The following LRRTM4 variants were observed in gnomAD, a reference collection of about 807,000 sequenced individuals.
LRRTM4 encodes leucine rich repeat transmembrane neuronal 4, also known as leucine-rich repeat transmembrane neuronal protein 4.
Under a neutral mutation model 47.6 loss-of-function variants are expected in LRRTM4, and 25 were observed. The observed-to-expected ratio is 0.53, with a 90% CI of 0.38 to 0.73. LRRTM4 has a LOEUF of 0.73. Among genes scored for constraint, LRRTM4 ranks in the 30% least tolerant of loss-of-function variants. The pLI is 0.00. For synonymous variants in LRRTM4, 311 were observed against 269.5 expected, an observed-to-expected ratio of 1.15 and a Z score of -1.51; for missense variants, 638 against 713.4, an observed-to-expected ratio of 0.89 and a Z score of 1.20.
intron 3 of LRRTM4, among the ~76,000 whole-genome samples, chr2:76,792,541 C>G (rs563110951): frequency 6.6e-6 from 1 of 151,832 alleles, no homozygotes; most frequent in Admixed American, 6.5e-5. Flanking sequence ...CAATCATATA[C>G]TGATGGCACA....
intron 3 of LRRTM4, among the ~76,000 whole-genome samples, chr2:77,057,055 CAAT>C (rs1441715157): frequency 1.3e-5 from 2 of 152,182 alleles, no homozygotes; most frequent in African/African-American, 2.4e-5. Context: ...TTTCACATTA[CAAT>C]GACAGAGTAC....
intron 3 of LRRTM4, among the ~76,000 whole-genome samples, chr2:77,460,317 C>A (rs752261731): frequency 4.6e-5 from 7 of 152,084 alleles, no homozygotes; most frequent in Non-Finnish European, 8.8e-5. Context: ...TGGGAGGAGT[C>A]TAGCTACCAG....
At chr2:77,419,900 C>G (rs1301442864) in intron 3 of LRRTM4, among the ~76,000 whole-genome samples, 2 of 152,156 alleles carry the variant, frequency 1.3e-5, no homozygotes, top group African/African-American at 2.4e-5. Flanking sequence ...GAAACATGAT[C>G]GGTAAACATA....
At chr2:77,153,066 C>T (rs908253138) in intron 3 of LRRTM4, among the ~76,000 whole-genome samples, 10 of 152,132 alleles carry the variant, frequency 6.6e-5, no homozygotes, top group Non-Finnish European at 1.2e-4. Flanking sequence ...GATCTTATAT[C>T]CTTCATCTCC....
chr2:77,072,436 T>C (rs921471532), intron 3 of LRRTM4, among the ~76,000 whole-genome samples: 9 of 152,132 alleles, frequency 5.9e-5, no homozygotes, highest in Non-Finnish European at 1.2e-4. Context: ...TCTCTCAAAA[T>C]AGATGAATCC....
chr2:77,110,148 T>C (rs998257890), intron 3 of LRRTM4, among the ~76,000 whole-genome samples: 3 of 152,154 alleles, frequency 2.0e-5, no homozygotes, highest in Non-Finnish European at 4.4e-5. Flanking sequence ...AAGTGAAATC[T>C]AAACCTAACA....
In LRRTM4 at chr2:77,518,947, A is replaced by G. The variant is rs371908455; in HGVS notation, c.922T>C (p.Leu308=). Residue 308 remains leucine (L), a synonymous_variant, in exon 3 of 4, where the codon TTG becomes CTG. Transcript: ENST00000409884. ...CTGCATTCCCACATATTTCCAGACA[A>G]TGTGATGGATATTAATGATATCCAC... ...NAWISLISIT[L]SGNMWECSRS... The G allele has an allele frequency of 4.3e-6, 7 of 1,611,120 alleles. No individual in the cohort carries two copies. Among genetic ancestry groups the G allele is most frequent in the Non-Finnish European group, 5.9e-6 (7 of 1,178,596 alleles).
intron 3 of LRRTM4, among the ~76,000 whole-genome samples, chr2:77,353,039 G>T (rs935975706): frequency 6.6e-6 from 1 of 151,882 alleles, no homozygotes; most frequent in African/African-American, 2.4e-5. Flanking sequence ...TTATTTTTAA[G>T]TGCCAAAAGT....
intron 3 of LRRTM4, among the ~76,000 whole-genome samples, chr2:76,853,204 T>C (rs1028623140): frequency 5.9e-5 from 9 of 152,014 alleles, no homozygotes; most frequent in African/African-American, 1.7e-4. Context: ...GTGTGGAGAA[T>C]AAATGGGGAG....
In LRRTM4 at chr2:77,239,447, T is replaced by A. The variant is rs560065550; in HGVS notation, c.1551+278871A>T. ...GATTTTAAACCCATCATATACATAG[T>A]ACTAAATGTAAATGTTCTAAACACT... On this transcript the variant is annotated intron_variant, in intron 3 of 3. Coordinates refer to ENST00000409884, the MANE Select transcript of LRRTM4 (RefSeq NM_001134745.3). Among the ~76,000 whole-genome samples, 20 of 152,088 alleles carry A rather than the reference T, an allele frequency of 1.3e-4. No individual in the cohort carries two copies. The South Asian group carries it at 3.1e-3, about 24-fold the overall frequency.
At chr2:77,222,722 A>G (rs1674675854) in intron 3 of LRRTM4, among the ~76,000 whole-genome samples, 1 of 152,208 alleles carries the variant, frequency 6.6e-6, no homozygotes, top group South Asian at 2.1e-4. Flanking sequence ...TTAATAGCTT[A>G]CCAACCAAAA....
At position 76,866,604 on chromosome 2, in the gene LRRTM4, T is replaced by A. The variant is rs77103481; in HGVS notation, c.1552-117688A>T. 5.9e-3 allele frequency among the ~76,000 whole-genome samples: 893 copies of A among 152,288 alleles called. 11 individuals are homozygous for A. The highest frequency in any genetic ancestry group is 0.021 in the African/African-American group (854 of 41,546). On this transcript the variant is annotated intron_variant, in intron 3 of 3. Transcript: ENST00000409884. ...AACAATCTTTGATTGATGTGTGATG[T>A]TGTGTCACATCACTTTAGGTAACTC...
intron 3 of LRRTM4, among the ~76,000 whole-genome samples, chr2:77,468,400 G>T (rs35776302): frequency 6.6e-6 from 1 of 152,112 alleles, no homozygotes; most frequent in Non-Finnish European, 1.5e-5. Flanking sequence ...CTGTCTACAA[G>T]AAGACAAGAA....
At chr2:76,761,573 C>CCAAA (rs1247385488) in intron 3 of LRRTM4, among the ~76,000 whole-genome samples, 2 of 152,150 alleles carry the variant, frequency 1.3e-5, no homozygotes, top group Non-Finnish European at 2.9e-5. Flanking sequence ...ACTCCTTTGG[C>CCAAA]CAAACACTTT....
intron 3 of LRRTM4, among the ~76,000 whole-genome samples, chr2:76,804,763 A>AATATATATATGTTTT (rs750204932): frequency 2.1e-5 from 3 of 140,658 alleles, no homozygotes; most frequent in Non-Finnish European, 4.5e-5. Flanking sequence ...GTTTTATAAC[A>AATATATATATGTTTT]ATATATATAT....
chr2:76,994,165 G>A (rs533153009), intron 3 of LRRTM4, among the ~76,000 whole-genome samples: 135 of 151,918 alleles, frequency 8.9e-4, no homozygotes, highest in South Asian at 2.7e-3. Flanking sequence ...TGAGTACTAT[G>A]TTCACTGCTT....
chr2:77,178,654 A>G (rs1194242460), intron 3 of LRRTM4, among the ~76,000 whole-genome samples: 1 of 152,126 alleles, frequency 6.6e-6, no homozygotes, highest in East Asian at 1.9e-4. Context: ...CCTATTTCAT[A>G]TATTCTTTTA....
At chr2:77,378,838 G>T (rs1257827110) in intron 3 of LRRTM4, among the ~76,000 whole-genome samples, 1 of 152,096 alleles carries the variant, frequency 6.6e-6, no homozygotes, top group Non-Finnish European at 1.5e-5. Flanking sequence ...AGCAAATGAG[G>T]CCACCGGAGG....
intron 3 of LRRTM4, among the ~76,000 whole-genome samples, chr2:77,207,158 A>T (rs1674149415): frequency 6.8e-6 from 1 of 146,130 alleles, no homozygotes; most frequent in Non-Finnish European, 1.5e-5. Context: ...ATATATATAT[A>T]TATATAGAAA....
Sources: allele counts gnomAD v4.1 joint callset (sites outside exome capture counted in the v4.1 genomes callset), GRCh38; gene constraint gnomAD v4.1.1; transcripts MANE v1.5; gene names NCBI Gene and HGNC (gene_info 2026-07-23, HGNC 2026-07-21).